The following NEK10 variants were observed in gnomAD, a reference collection of about 807,000 sequenced individuals.
NEK10 encodes NIMA related kinase 10, also known as serine/threonine-protein kinase Nek10.
Under a neutral mutation model 159.8 loss-of-function variants are expected in NEK10, and 122 were observed. That is an observed-to-expected ratio of 0.76 (90% CI 0.66 to 0.89). The LOEUF is 0.89. NEK10 is among the 40% of genes least tolerant of loss of function. NEK10 has a pLI of 0.00. For missense variants in NEK10, 1,342 were observed against 1,323.1 expected (o/e 1.01, Z -0.22); for synonymous variants, 466 against 457.1 (o/e 1.02, Z -0.25).
chr3:27,304,899 C>G lies in NEK10; in HGVS notation c.876G>C (p.Gly292=). Residue 292 remains glycine (G), a synonymous_variant, in exon 12 of 36, where the codon GGG becomes GGC. Coordinates refer to ENST00000691995, the MANE Select transcript of NEK10 (RefSeq NM_001394966.1). ...QVKEQVKLYE[G]IPVLLSLLHS... is the part of the protein sequence containing the mutation. ...GGAGCAGACTGAGGAGGACCGGTATCCCCTCATAGAGCTTCACCTGCTCTT... is the reference window on the plus strand; with the variant it reads ...GGAGCAGACTGAGGAGGACCGGTATGCCCTCATAGAGCTTCACCTGCTCTT... 1 of 1,613,620 alleles carries G rather than the reference C, an allele frequency of 6.2e-7. No individual in the cohort carries two copies. Among genetic ancestry groups the G allele is most frequent in the Non-Finnish European group, 8.5e-7 (1 of 1,179,638 alleles).
intron 6 of NEK10, among the ~76,000 whole-genome samples, chr3:27,315,111 A>G (rs930658643): frequency 6.6e-6 from 1 of 152,242 alleles, no homozygotes; most frequent in African/African-American, 2.4e-5. Context: ...TCATTTATCT[A>G]TAGACAAATA....
chr3:27,301,052 C>T (rs2043781665), intron 13 of NEK10, among the ~76,000 whole-genome samples: 1 of 152,192 alleles, frequency 6.6e-6, no homozygotes, highest in Non-Finnish European at 1.5e-5. Flanking sequence ...CCTCTCTGCT[C>T]CCTTTCTGTG....
intron 22 of NEK10, among the ~76,000 whole-genome samples, chr3:27,272,016 T>A (rs2041401121): frequency 6.6e-6 from 1 of 152,110 alleles, no homozygotes; most frequent in Non-Finnish European, 1.5e-5. Flanking sequence ...TGCTCTCTGG[T>A]TTTCAAAAAT....
At chr3:27,263,089 C>T (rs545041022) in intron 22 of NEK10, among the ~76,000 whole-genome samples, 1 of 152,344 alleles carries the variant, frequency 6.6e-6, no homozygotes, top group Admixed American at 6.5e-5. Context: ...CTACTCCAGA[C>T]CCTGTTTGCC....
At chr3:27,212,480 C>T (rs1445111) in intron 23 of NEK10, among the ~76,000 whole-genome samples, 98,924 of 152,122 alleles carry the variant, frequency 0.65, 34,307 homozygotes, top group African/African-American at 0.91. Context: ...CCATGGCCTT[C>T]GACAGCTTCC....
chr3:27,368,106 A>AC (rs2049231205), intron 1 of NEK10, among the ~76,000 whole-genome samples: 1 of 152,130 alleles, frequency 6.6e-6, no homozygotes, highest in African/African-American at 2.4e-5. Context: ...CAGCCTGACC[A>AC]ACATGGTGAA....
chr3:27,254,118 G>C (rs1183441450), intron 23 of NEK10, among the ~76,000 whole-genome samples: 1 of 152,054 alleles, frequency 6.6e-6, no homozygotes, highest in East Asian at 1.9e-4. Flanking sequence ...TCCAACCCCC[G>C]GCCCACGGAC....
In NEK10 at chr3:27,297,194, G is replaced by A; in HGVS notation, c.1215C>T (p.Ala405=). The part of the protein sequence containing the change: ...LTELVLNDTN[A]HQVVQENGVY... ...GTGCTCTCACCTGAACCACCTGGTG[G>A]GCATTGGTGTCATTGAGCACCAGCT... The change falls in exon 14 of 36, where the codon GCC becomes GCT. Residue 405 remains alanine (A), a synonymous_variant. Transcript: ENST00000691995. 2 of 1,612,574 alleles carry A rather than the reference G, an allele frequency of 1.2e-6. No homozygotes were observed.
chr3:27,198,708 A>G (rs1949772443), intron 25 of NEK10, among the ~76,000 whole-genome samples: 2 of 152,274 alleles, frequency 1.3e-5, no homozygotes, highest in South Asian at 4.1e-4. Flanking sequence ...CTGGAAGACA[A>G]CCTAGGCAAT....
intron 23 of NEK10, among the ~76,000 whole-genome samples, chr3:27,254,940 C>T (rs1222128065): frequency 9.2e-5 from 14 of 151,900 alleles, no homozygotes; most frequent in Non-Finnish European, 2.1e-4. Context: ...CACACACACA[C>T]ACACACACAC....
chr3:27,228,129 C>T (rs1952828773), intron 23 of NEK10, among the ~76,000 whole-genome samples: 1 of 152,140 alleles, frequency 6.6e-6, no homozygotes, highest in South Asian at 2.1e-4. Context: ...CATTATCTTG[C>T]TACTAAGAAA....
chr3:27,249,852 T>C (rs1955473870), intron 23 of NEK10, among the ~76,000 whole-genome samples: 1 of 152,244 alleles, frequency 6.6e-6, no homozygotes, highest in African/African-American at 2.4e-5. Context: ...TATGGTATGA[T>C]TTAATTTATT....
intron 23 of NEK10, among the ~76,000 whole-genome samples, chr3:27,206,086 C>T (rs547296080): frequency 4.3e-4 from 66 of 152,328 alleles, no homozygotes; most frequent in African/African-American, 1.6e-3. Flanking sequence ...CCCTCATGAC[C>T]TAATCACCTA....
intron 22 of NEK10, among the ~76,000 whole-genome samples, chr3:27,284,244 G>T (rs2149459124): frequency 6.6e-6 from 1 of 152,206 alleles, no homozygotes; most frequent in South Asian, 2.1e-4. Context: ...AATTAGGTGG[G>T]CATGGTGGCG....
chr3:27,201,885 G>A (rs1267962456), intron 24 of NEK10, among the ~76,000 whole-genome samples: 4 of 152,128 alleles, frequency 2.6e-5, no homozygotes, highest in Non-Finnish European at 5.9e-5. Context: ...CCAGCTGGGC[G>A]CAGTGGCTCA....
intron 32 of NEK10, among the ~76,000 whole-genome samples, chr3:27,126,096 C>T (rs564748623): frequency 9.2e-5 from 14 of 152,248 alleles, no homozygotes; most frequent in African/African-American, 3.1e-4. Flanking sequence ...TTATTATATG[C>T]ATAAAGAGCC....
At chr3:27,242,303 A>G (rs1433755312) in intron 23 of NEK10, among the ~76,000 whole-genome samples, 2 of 152,330 alleles carry the variant, frequency 1.3e-5, no homozygotes, top group East Asian at 3.9e-4. Flanking sequence ...CTGCTATGCT[A>G]CAGATAATAC....
chr3:27,116,100 T>C lies in NEK10; in HGVS notation c.3218A>G (p.Glu1073Gly). ...CTGCATCTGTTCATATGTTATTCCT[T>C]CCTCCAATTCAATGCTGGTTGGTAA... is the stretch of plus-strand genomic sequence containing the variant. ...TGLPTSIELE[E>G]GITYEQMQTV... is the part of the protein sequence containing the mutation. The change falls in exon 34 of 36, where the codon GAA becomes GGA. Residue 1073 changes from glutamate (E) to glycine (G), a missense_variant. Transcript: ENST00000691995. 1 of 1,613,614 alleles carries C rather than the reference T, an allele frequency of 6.2e-7. No individual in the cohort carries two copies. The highest frequency in any genetic ancestry group is 8.5e-7 in the Non-Finnish European group (1 of 1,179,726).
chr3:27,170,900 A>G (rs1308018698), intron 29 of NEK10, among the ~76,000 whole-genome samples: 2 of 152,062 alleles, frequency 1.3e-5, no homozygotes, highest in East Asian at 3.9e-4. Flanking sequence ...ATGCAACTGT[A>G]TACTGTCAGT....
Sources: gnomAD v4.1 joint callset for allele counts (sites outside exome capture counted in the v4.1 genomes callset) on GRCh38, gnomAD v4.1.1 for gene constraint, MANE v1.5 for transcripts, NCBI Gene and HGNC (gene_info 2026-07-23, HGNC 2026-07-21) for gene names.